EFHC2: variants seen among roughly 807,000 people sequenced by gnomAD.
EFHC2 encodes the protein EF-hand domain-containing family member C2.
Under a neutral mutation model 52.7 loss-of-function variants are expected in EFHC2, and 18 were observed. The ratio of observed to expected loss-of-function variants is 0.34; its 90% CI spans 0.24 to 0.51. The LOEUF is 0.51. EFHC2 is among the 20% of genes least tolerant of loss of function. The pLI, the probability that EFHC2 is intolerant of heterozygous loss-of-function variation, is 0.97. For missense variants in EFHC2, 513 were observed against 562.5 expected, an observed-to-expected ratio of 0.91 and a Z score of 0.89; for synonymous variants, 203 against 204.1, an observed-to-expected ratio of 0.99 and a Z score of 0.04.
intron 13 of EFHC2, among the ~76,000 whole-genome samples, chrX:44,172,940 C>T (rs1368691601): frequency 9.0e-6 from 1 of 111,617 alleles, no homozygotes; most frequent in Non-Finnish European, 1.9e-5. Context: ...CCAGCTCCCA[C>T]AGCACAAACT....
chrX:44,250,656 C>G (rs1252113052), intron 4 of EFHC2, among the ~76,000 whole-genome samples: 1 of 103,480 alleles, frequency 9.7e-6, no homozygotes, highest in Non-Finnish European at 2.0e-5. Flanking sequence ...AAAAACACAA[C>G]TCTTAAAAAA....
chrX:44,165,130 A>T (rs1010031864), intron 13 of EFHC2, among the ~76,000 whole-genome samples: 1 of 111,764 alleles, frequency 8.9e-6, no homozygotes, highest in Admixed American at 9.6e-5. Flanking sequence ...CTATTCCAGG[A>T]TCCTGCCCTT....
At position 44,250,248 on chromosome X, in the gene EFHC2, G is replaced by C. The variant is rs776775572; in HGVS notation, c.804C>G (p.His268Gln). 1.7e-6 allele frequency: 2 copies of C among 1,209,375 alleles called. No homozygotes were observed. The highest frequency in any genetic ancestry group is 2.2e-6 in the Non-Finnish European group (2 of 894,905). ...DTIEIKELLP[H>Q]SSGRDALKMF... ...TTTTTAGAGCATCTCGGCCTGAGCT[G>C]TGTGGAAGCAATTCTTTGATTTCAA... Residue 268 changes from histidine to glutamine, a missense_variant, in exon 5 of 15, where the codon CAC (histidine) becomes CAG (glutamine). His to Gln is a conservative substitution (Grantham distance 24, BLOSUM62 0). Transcript: ENST00000420999.
At position 44,254,473 on chromosome X, in the gene EFHC2, C is replaced by T. The variant is rs1295621005; in HGVS notation, c.607-4028G>A. ...AACACAGCACGAGAGCTTTGTGAAG[C>T]ATACACAAGTATCAATAGCTGAATC... On this transcript the variant is annotated intron_variant, in intron 4 of 14. Coordinates refer to ENST00000420999, the MANE Select transcript of EFHC2 (RefSeq NM_025184.4). Among the ~76,000 whole-genome samples the T allele has an allele frequency of 4.5e-5, 5 of 112,014 alleles. No individual in the cohort carries two copies. The East Asian group carries it at 1.4e-3, about 32-fold the overall frequency.
chrX:44,229,625 G>A (rs1157894439), intron 11 of EFHC2, 24 bp downstream of exon 11: 1 of 1,209,472 alleles, frequency 8.3e-7, no homozygotes, highest in Admixed American at 2.2e-5. Flanking sequence ...GAAAACAGGT[G>A]ATTGTTAGCA....
intron 2 of EFHC2, among the ~76,000 whole-genome samples, chrX:44,282,601 G>A (rs1602195841): frequency 1.5e-5 from 1 of 66,143 alleles, no homozygotes; most frequent in African/African-American, 5.7e-5. Context: ...GGGCGACAGA[G>A]TGAGACTCCC....
At chrX:44,170,783 T>C (rs2036739088) in intron 13 of EFHC2, among the ~76,000 whole-genome samples, 1 of 111,850 alleles carries the variant, frequency 8.9e-6, no homozygotes, top group African/African-American at 3.3e-5. Flanking sequence ...CTCTGATCCA[T>C]GGTCAAAGGA....
intron 11 of EFHC2, among the ~76,000 whole-genome samples, chrX:44,213,960 G>A (rs959089358): frequency 9.0e-6 from 1 of 111,504 alleles, no homozygotes; most frequent in East Asian, 2.8e-4. Flanking sequence ...TACTTTCAAT[G>A]GGGTAGTAAA....
chrX:44,192,448 T>C (rs781749383), intron 11 of EFHC2, among the ~76,000 whole-genome samples: 1 of 111,936 alleles, frequency 8.9e-6, no homozygotes, highest in African/African-American at 3.2e-5. Context: ...TTGATTCTTA[T>C]AAGAGTCTTC....
At chrX:44,261,583 G>T (rs938320884) in intron 3 of EFHC2, among the ~76,000 whole-genome samples, 2 of 109,145 alleles carry the variant, frequency 1.8e-5, no homozygotes, top group Admixed American at 9.9e-5. Context: ...GATGGGGGAT[G>T]AAGGACAGGG....
chrX:44,257,142 C>A (rs149115797), intron 4 of EFHC2, among the ~76,000 whole-genome samples: 1 of 111,256 alleles, frequency 9.0e-6, no homozygotes, highest in Non-Finnish European at 1.9e-5. Flanking sequence ...ATTGATGGAA[C>A]GTATCTCAAA....
chrX:44,223,075 G>A (rs1187704436), intron 11 of EFHC2, among the ~76,000 whole-genome samples: 2 of 111,969 alleles, frequency 1.8e-5, no homozygotes, highest in Non-Finnish European at 3.8e-5. Context: ...AAATTCCCAC[G>A]TAAGTTTCCT....
At chrX:44,249,046 A>T (rs2037422176) in intron 5 of EFHC2, 130 bp from the exon 6 acceptor site, 1 of 393,885 alleles carries the variant, frequency 2.5e-6, no homozygotes, top group Non-Finnish European at 4.4e-6. Context: ...TGAATTAACT[A>T]ATGTTGGCAC....
chrX:44,310,866 G>A (rs1286382893), intron 2 of EFHC2, among the ~76,000 whole-genome samples: 1 of 111,783 alleles, frequency 8.9e-6, no homozygotes, highest in Non-Finnish European at 1.9e-5. Context: ...GTAATTAAAG[G>A]CCTGCAAAAT....
chrX:44,244,970 A>T (rs2037387913), intron 7 of EFHC2, among the ~76,000 whole-genome samples: 1 of 111,921 alleles, frequency 8.9e-6, no homozygotes, highest in Non-Finnish European at 1.9e-5. Flanking sequence ...TTTCAATGAA[A>T]CCTAAATTCG....
At chrX:44,278,915 G>A (rs1044675302) in intron 2 of EFHC2, among the ~76,000 whole-genome samples, 1 of 111,870 alleles carries the variant, frequency 8.9e-6, no homozygotes, top group Admixed American at 9.5e-5. Flanking sequence ...TTGTTAATCT[G>A]TCTTTTGTTA....
intron 12 of EFHC2, among the ~76,000 whole-genome samples, chrX:44,177,584 TTGTA>T (rs1160033174): frequency 1.8e-5 from 2 of 112,131 alleles, no homozygotes; most frequent in Non-Finnish European, 3.8e-5. Context: ...TTGCATCCAG[TTGTA>T]TGTAACAATG....
intron 11 of EFHC2, among the ~76,000 whole-genome samples, chrX:44,179,247 A>G (rs985720242): frequency 9.0e-6 from 1 of 111,644 alleles, no homozygotes; most frequent in African/African-American, 3.2e-5. Flanking sequence ...ATTGTTTTCA[A>G]TGTAACTCTG....
chrX:44,196,484 C>CA (rs1449575735), intron 11 of EFHC2, among the ~76,000 whole-genome samples: 1 of 112,066 alleles, frequency 8.9e-6, no homozygotes, highest in Non-Finnish European at 1.9e-5. Context: ...ATTTCTGAAA[C>CA]AAGGCAAAAT....
Sources: gnomAD v4.1 joint callset for allele counts (sites outside exome capture counted in the v4.1 genomes callset) on GRCh38, gnomAD v4.1.1 for gene constraint, MANE v1.5 for transcripts, NCBI Gene and HGNC (gene_info 2026-07-23, HGNC 2026-07-21) for gene names.